Variants in RALGAPA2 observed in about 807,000 individuals in gnomAD.
The protein encoded by RALGAPA2 is ral GTPase-activating protein subunit alpha-2.
In RALGAPA2, 139 loss-of-function variants were observed where a neutral mutation model predicts 230.4. That is an observed-to-expected ratio of 0.60 (90% CI 0.53 to 0.69). RALGAPA2 has a LOEUF of 0.69. Ranked by LOEUF, RALGAPA2 falls within the 30% of genes least tolerant of loss-of-function variation. The pLI is 0.00. For missense variants in RALGAPA2, 2,163 were observed against 2,276.0 expected (o/e 0.95, Z 1.01); for synonymous variants, 847 against 837.8 (o/e 1.01, Z -0.19).
At chr20:20,550,842 A>C (rs1047979055) in intron 23 of RALGAPA2, among the ~76,000 whole-genome samples, 1 of 152,236 alleles carries the variant, frequency 6.6e-6, no homozygotes, top group African/African-American at 2.4e-5. Flanking sequence ...CAAGTAAATA[A>C]TTATTTTTCA....
chr20:20,552,073 A>G (rs2063941254), intron 23 of RALGAPA2, among the ~76,000 whole-genome samples: 1 of 152,232 alleles, frequency 6.6e-6, no homozygotes, highest in Non-Finnish European at 1.5e-5. Flanking sequence ...CCCTAAAAAC[A>G]AAAACATTTC....
chr20:20,653,597 A>G lies in RALGAPA2; in HGVS notation c.271-10T>C. The stretch of plus-strand genomic sequence containing the variant: ...GAAACTGCAGTATTTTCTATTAAAA[A>G]AAGATATAAAGAAAATAAACAACAA... On this transcript the variant is annotated splice_polypyrimidine_tract_variant and intron_variant, in intron 3 of 39. Coordinates refer to ENST00000202677, the MANE Select transcript of RALGAPA2 (RefSeq NM_020343.4). 1 of 1,405,242 alleles carries G rather than the reference A, an allele frequency of 7.1e-7. No homozygotes were observed. Among genetic ancestry groups the G allele is most frequent in the African/African-American group, 1.4e-5 (1 of 69,106 alleles). 87.0% of individuals were successfully genotyped at this position (1,405,242 alleles called of 1,614,324 possible). A position where few individuals can be genotyped will look rare whatever the true frequency, so the allele number is the denominator to read the frequency against.
chr20:20,393,859 G>A (rs994275243), intron 39 of RALGAPA2, among the ~76,000 whole-genome samples: 4 of 152,182 alleles, frequency 2.6e-5, no homozygotes, highest in Admixed American at 1.3e-4. Flanking sequence ...CAGGGCTGCT[G>A]TCGGTGTGCT....
intron 36 of RALGAPA2, among the ~76,000 whole-genome samples, chr20:20,486,712 A>G (rs890125758): frequency 6.6e-6 from 1 of 152,144 alleles, no homozygotes; most frequent in Admixed American, 6.5e-5. Context: ...ACATGTTGTT[A>G]CATCTTTTGT....
intron 23 of RALGAPA2, among the ~76,000 whole-genome samples, chr20:20,560,594 A>G (rs1181256585): frequency 2.0e-5 from 3 of 152,222 alleles, no homozygotes; most frequent in Non-Finnish European, 4.4e-5. Context: ...TTTTCTTGAC[A>G]TTATATCCTT....
In RALGAPA2 at chr20:20,712,637, G is replaced by GC; in HGVS notation, c.-158_-157insG. 1.7e-6 allele frequency: 2 copies of GC among 1,174,908 alleles called. No individual in the cohort carries two copies. Among genetic ancestry groups the GC allele is most frequent in the East Asian group, 4.2e-5 (1 of 24,072 alleles). The allele number at this position is 1,174,908 out of a possible 1,614,324, so 72.8% of individuals were successfully genotyped here. A position where few individuals can be genotyped will look rare whatever the true frequency, so the allele number is the denominator to read the frequency against. On this transcript the variant is annotated 5_prime_UTR_variant, in exon 1 of 40. Coordinates refer to ENST00000202677, the MANE Select transcript of RALGAPA2 (RefSeq NM_020343.4). The surrounding 1 kb of genome is among the most constrained non-coding windows in gnomAD (Gnocchi z 5.5). ...CGCCGCCGCCGCCGCCGCCTCAGCT[G>GC]TGTCTCCAGGAAGGAGGGGCGGGCC...
At chr20:20,393,862 G>T (rs576243259) in intron 39 of RALGAPA2, among the ~76,000 whole-genome samples, 1 of 152,144 alleles carries the variant, frequency 6.6e-6, no homozygotes, top group African/African-American at 2.4e-5. Flanking sequence ...GGCTGCTGTC[G>T]GTGTGCTCAG....
chr20:20,651,224 C>A (rs1166819462), intron 4 of RALGAPA2, among the ~76,000 whole-genome samples: 1 of 152,184 alleles, frequency 6.6e-6, no homozygotes, highest in Non-Finnish European at 1.5e-5. Context: ...CAAAGCACAT[C>A]TAGTAAAGAT....
chr20:20,567,123 G>A (rs2064456308), intron 23 of RALGAPA2, among the ~76,000 whole-genome samples: 1 of 152,150 alleles, frequency 6.6e-6, no homozygotes, highest in African/African-American at 2.4e-5. Context: ...TTAAAAAATA[G>A]CTCACTTATT....
At chr20:20,463,793 C>T (rs2042959392) in intron 37 of RALGAPA2, among the ~76,000 whole-genome samples, 1 of 152,190 alleles carries the variant, frequency 6.6e-6, no homozygotes, top group Non-Finnish European at 1.5e-5. Context: ...AATACTCAGA[C>T]ATTAATAAAT....
chr20:20,615,020 A>T (rs533667582), intron 13 of RALGAPA2, among the ~76,000 whole-genome samples: 1 of 152,272 alleles, frequency 6.6e-6, no homozygotes, highest in Admixed American at 6.5e-5. Flanking sequence ...CACAAAGGAC[A>T]GGCTTGAGGA....
chr20:20,603,280 CT>C (rs1300676554), intron 15 of RALGAPA2, among the ~76,000 whole-genome samples: 2 of 152,334 alleles, frequency 1.3e-5, no homozygotes, highest in Non-Finnish European at 2.9e-5. Context: ...ACTTCAACTA[CT>C]TTATTTTGGC....
chr20:20,509,020 A>C (rs1393663119), intron 33 of RALGAPA2, among the ~76,000 whole-genome samples: 1 of 152,232 alleles, frequency 6.6e-6, no homozygotes, highest in Non-Finnish European at 1.5e-5. Flanking sequence ...AATTACATGA[A>C]ACCAAGTATT....
chr20:20,541,166 T>C (rs904667866), intron 24 of RALGAPA2, among the ~76,000 whole-genome samples: 1 of 151,596 alleles, frequency 6.6e-6, no homozygotes, highest in African/African-American at 2.4e-5. Context: ...TGTGAGGTAA[T>C]TATCTCACTG....
At chr20:20,530,385 C>G (rs1030801057) in intron 27 of RALGAPA2, among the ~76,000 whole-genome samples, 1 of 152,194 alleles carries the variant, frequency 6.6e-6, no homozygotes, top group African/African-American at 2.4e-5. Flanking sequence ...GTTTTTCCAG[C>G]TCCCATAATA....
At chr20:20,394,805 T>A (rs923514291) in intron 39 of RALGAPA2, among the ~76,000 whole-genome samples, 1 of 136,454 alleles carries the variant, frequency 7.3e-6, no homozygotes, top group African/African-American at 2.8e-5. Flanking sequence ...TGGGGCAGCA[T>A]GGGAGAACAG....
At chr20:20,415,391 T>C (rs917624385) in intron 37 of RALGAPA2, among the ~76,000 whole-genome samples, 3 of 152,260 alleles carry the variant, frequency 2.0e-5, no homozygotes, top group African/African-American at 4.8e-5. Context: ...AAAAGTTTAC[T>C]AACAAATGTG....
Position 20,640,734 on chromosome 20 carries a change from T to C in RALGAPA2, c.517A>G (p.Thr173Ala), listed in dbSNP as rs766855566. ...MSSRGPCTLETLINPSPSVAD... is the reference protein window; with the variant it reads ...MSSRGPCTLEALINPSPSVAD... The stretch of plus-strand genomic sequence containing the variant: ...ACACTAGGGCTGGGATTGATGAGTG[T>C]CTCCAGTGTGCAAGGGCCCCTGGAT... The change falls in exon 6 of 40, where the codon ACA becomes GCA. Residue 173 changes from threonine to alanine, a missense_variant. Transcript: ENST00000202677. 9.3e-6 allele frequency: 15 copies of C among 1,613,800 alleles called. No individual in the cohort carries two copies. The highest frequency in any genetic ancestry group is 1.7e-6 in the Non-Finnish European group (2 of 1,179,854).
At chr20:20,618,405 A>T (rs1372439106) in intron 12 of RALGAPA2, among the ~76,000 whole-genome samples, 1 of 152,214 alleles carries the variant, frequency 6.6e-6, no homozygotes, top group African/African-American at 2.4e-5. Flanking sequence ...AGTTAACTTC[A>T]AAATTATGTG....
Sources: gnomAD v4.1 joint callset for allele counts (sites outside exome capture counted in the v4.1 genomes callset) on GRCh38, gnomAD v4.1.1 for gene constraint, Gnocchi (gnomAD v3.1) non-coding constraint, MANE v1.5 for transcripts, NCBI Gene and HGNC (gene_info 2026-07-23, HGNC 2026-07-21) for gene names.